The following PIEZO1 variants were observed in gnomAD, a reference collection of about 807,000 sequenced individuals.
PIEZO1 encodes the protein piezo type mechanosensitive ion channel component 1 (Er blood group), also known as piezo-type mechanosensitive ion channel component 1.
In PIEZO1, 296 loss-of-function variants were observed where a neutral mutation model predicts 297.2. That is an observed-to-expected ratio of 1.00 (90% CI 0.91 to 1.10). The LOEUF (loss-of-function observed/expected upper bound fraction) is 1.10, where lower values mean the gene tolerates loss of function less well. Ranked by LOEUF, PIEZO1 falls within the 50% of genes least tolerant of loss-of-function variation. PIEZO1 has a pLI of 0.00. For missense variants in PIEZO1, 5,018 were observed against 3,455.5 expected (o/e 1.45, Z -11.34); for synonymous variants, 2,427 against 1,507.5 (o/e 1.61, Z -14.13).
chr16:88,774,129 A>G (rs935811864), intron 1 of PIEZO1, among the ~76,000 whole-genome samples: 1 of 152,184 alleles, frequency 6.6e-6, no homozygotes, highest in African/African-American at 2.4e-5. Context: ...GCGTGGCCTG[A>G]GCTTCTAAGC....
At chr16:88,771,260 C>CTTAAGGACGAAGTGCTGGAGGCTCAG (rs1227757223) in intron 1 of PIEZO1, among the ~76,000 whole-genome samples, 61 of 152,354 alleles carry the variant, frequency 4.0e-4, no homozygotes, top group Non-Finnish European at 7.6e-4. Flanking sequence ...CAGTTCCACT[C>CTTAAGGACGAAGTGCTGGAGGCTCAG]TTAAGGACGA....
At chr16:88,717,418 G>C (rs1390681491) in intron 44 of PIEZO1, 7 of 646,692 alleles carry the variant, frequency 1.1e-5, no homozygotes, top group Non-Finnish European at 2.0e-5. Context: ...GTTGATCTTA[G>C]ACAAGGGAGC....
rs778026943 is a variant in PIEZO1, at chr16:88,723,886, T to A, written c.4320A>T (p.Ala1440=). The change falls in exon 31 of 51, where the codon GCA becomes GCT. Residue 1440 remains alanine, a synonymous_variant. Transcript: ENST00000301015. ...EAVPEDPRPS[A]QSAFQLAYQA... is the part of the protein sequence containing the mutation. ...CCCACCTCACCTGGAAGGCACTCTG[T>A]GCCGACGGCCTCGGGTCTTCAGGAA... 43 of 1,541,764 alleles carry A rather than the reference T, an allele frequency of 2.8e-5. No homozygotes were observed. Among genetic ancestry groups the A allele is most frequent in the Non-Finnish European group, 3.7e-5 (42 of 1,139,054 alleles).
Position 88,772,640 on chromosome 16 carries a change from G to A in PIEZO1, c.64+12261C>T, listed in dbSNP as rs1311888202. Among the ~76,000 whole-genome samples the A allele has an allele frequency of 1.1e-4, 16 of 152,258 alleles. No homozygotes were observed. In the South Asian group the frequency reaches 1.5e-3, roughly 14 times the overall value. ...CTAAAAATACAAAAATGAGCCGGGC[G>A]TGATGGTGGGTGCCTGTAATCTCAG... On this transcript the variant is annotated intron_variant, in intron 1 of 50. Coordinates refer to ENST00000301015, the MANE Select transcript of PIEZO1 (RefSeq NM_001142864.4).
At chr16:88,720,017 A>G (rs1249955223) in intron 42 of PIEZO1, 52 bp downstream of exon 42, 12 of 1,549,000 alleles carry the variant, frequency 7.7e-6, no homozygotes, top group Non-Finnish European at 1.0e-5. Flanking sequence ...CAGGGCCCCC[A>G]GCCTGCACTG....
chr16:88,733,550 C>T, intron 18 of PIEZO1, 38 bp downstream of exon 18: 1 of 1,528,184 alleles, frequency 6.5e-7, no homozygotes, highest in Non-Finnish European at 8.8e-7. Context: ...AGAGCGACCC[C>T]ACCCCAGATG....
In PIEZO1 at chr16:88,736,137, T is replaced by G. The variant is rs760255991; in HGVS notation, c.1557+11A>C. On this transcript the variant is annotated intron_variant, in intron 12 of 50. Coordinates refer to ENST00000301015, the MANE Select transcript of PIEZO1 (RefSeq NM_001142864.4). ...ACCCAGGCACCCCCGGATGTGGTGG[T>G]GCACACTCACCATGGCACCAAGGTC... 1.0e-5 allele frequency: 16 copies of G among 1,537,990 alleles called. No homozygotes were observed. The South Asian group carries it at 1.9e-4, about 18-fold the overall frequency.
In PIEZO1 at chr16:88,719,903, G is replaced by A. The variant is rs34388120; in HGVS notation, c.6222C>T (p.Phe2074=). The A allele has an allele frequency of 1.1e-3, 1,691 of 1,550,426 alleles. 18 individuals carry two copies. The African/African-American group carries it at 0.02, about 18-fold the overall frequency. Residue 2074 remains phenylalanine, a synonymous_variant, in exon 43 of 51, where the codon TTC becomes TTT. Transcript: ENST00000301015. ...AGCGGATCTGGTAGGCGGACAGGGC[G>A]AAGTAGATGCACTTCACGAAGTACC... ...QLWYFVKCIY[F]ALSAYQIRCG...
At chr16:88,745,998 T>G (rs1906032587) in intron 2 of PIEZO1, among the ~76,000 whole-genome samples, 1 of 152,272 alleles carries the variant, frequency 6.6e-6, no homozygotes, top group Admixed American at 6.5e-5. Flanking sequence ...GGGCTGGGCC[T>G]GATTGTTCTG....
rs1905342798 is a variant in PIEZO1 at position 88,737,816 on chromosome 16, T to C, written c.1021-2A>G. Reference sequence around the variant, plus strand: ...ATACCCCTTTGCCGCCTCCTTCCTCTGCAGAGACCAGCGTCTTGAGCCCAA... The same window carrying C: ...ATACCCCTTTGCCGCCTCCTTCCTCCGCAGAGACCAGCGTCTTGAGCCCAA... On this transcript the variant is annotated splice_acceptor_variant, in intron 8 of 50. Coordinates refer to ENST00000301015, the MANE Select transcript of PIEZO1 (RefSeq NM_001142864.4). LOFTEE classifies it high-confidence loss of function. The C allele has an allele frequency of 1.3e-6, 2 of 1,535,670 alleles. No individual in the cohort carries two copies. The highest frequency in any genetic ancestry group is 1.2e-5 in the South Asian group (1 of 84,068).
rs1440038073 is a variant in PIEZO1, at chr16:88,731,737, C to T, written c.3165G>A (p.Leu1055=). Residue 1055 remains leucine (L), a synonymous_variant, in exon 22 of 51, where the codon CTG becomes CTA. Coordinates refer to ENST00000301015, the MANE Select transcript of PIEZO1 (RefSeq NM_001142864.4). The part of the protein sequence containing the change: ...LALFLLYQYL[L]CLGMPPALCI... The stretch of plus-strand genomic sequence containing the variant: ...ACAGGGCCGGGGGCATCCCCAGGCA[C>T]AGCAGGTACTGGTACAGCAGGAACA... 1.9e-6 allele frequency: 3 copies of T among 1,549,682 alleles called. No individual in the cohort carries two copies. The highest frequency in any genetic ancestry group is 2.6e-6 in the Non-Finnish European group (3 of 1,146,810).
rs530382240 is a variant in PIEZO1 at position 88,736,902 on chromosome 16, G to A, written c.1196-163C>T. ...GGGCTCCGGCAATTGGGCTGACACC[G>A]TCCCTGAGCGTCAGGGATGGCCCTG... is the stretch of plus-strand genomic sequence containing the variant. On this transcript the variant is annotated intron_variant, in intron 10 of 50. Coordinates refer to ENST00000301015, the MANE Select transcript of PIEZO1 (RefSeq NM_001142864.4). 34 of 513,272 alleles carry A rather than the reference G, an allele frequency of 6.6e-5. No individual in the cohort carries two copies. In the Middle Eastern group the frequency reaches 1.9e-3, roughly 28 times the overall value. 31.8% of individuals were successfully genotyped at this position (513,272 alleles called of 1,614,324 possible).
intron 22 of PIEZO1, chr16:88,731,449 G>C: frequency 1.9e-6 from 1 of 517,666 alleles, no homozygotes; most frequent in East Asian, 3.2e-5. Context: ...TTTCCTGAAG[G>C]TTTGAAATAT....
chr16:88,721,839 C>A lies in PIEZO1; in HGVS notation c.5183G>T (p.Arg1728Leu). ...AMLSIPRPSK[R>L]FWMTAIVFTE... ...GAAGACGATGGCCGTCATCCAGAAG[C>A]GCTTGCTGGGCCTCGGGATCGACAG... Residue 1728 changes from arginine (R) to leucine (L), a missense_variant, in exon 37 of 51, where the codon CGC (arginine) becomes CTC (leucine). Coordinates refer to ENST00000301015, the MANE Select transcript of PIEZO1 (RefSeq NM_001142864.4). The A allele has an allele frequency of 1.3e-6, 2 of 1,548,728 alleles. No individual in the cohort carries two copies. Among genetic ancestry groups the A allele is most frequent in the South Asian group, 2.4e-5 (2 of 84,048 alleles).
At position 88,723,283 on chromosome 16, in the gene PIEZO1, G is replaced by A. The variant is rs756761414; in HGVS notation, c.4381C>T (p.Arg1461Trp). ...WVTNAQAVLR[R>W]RQQEQEQARQ... ...GCCTGCTCCTGCTCCTGCTGCCGCC[G>A]CCTCAGCACCGCCTGGGCGTTGGTC... The change falls in exon 32 of 51, where the codon CGG (arginine) becomes TGG (tryptophan). Residue 1461 changes from arginine (R) to tryptophan (W), a missense_variant. Physicochemically the swap from Arg to Trp is moderately radical, Grantham distance 101. Transcript: ENST00000301015. The A allele has an allele frequency of 1.8e-5, 28 of 1,541,456 alleles. No homozygotes were observed. The highest frequency in any genetic ancestry group is 3.6e-5 in the South Asian group (3 of 84,058).
intron 1 of PIEZO1, among the ~76,000 whole-genome samples, chr16:88,758,079 A>G (rs2142879849): frequency 6.6e-6 from 1 of 152,190 alleles, no homozygotes; most frequent in East Asian, 1.9e-4. Flanking sequence ...GAGCAGCTGA[A>G]TCCTGGGAGG....
At chr16:88,741,906 G>A in intron 4 of PIEZO1, 147 bp downstream of exon 4, 1 of 703,524 alleles carries the variant, frequency 1.4e-6, no homozygotes, top group Admixed American at 2.6e-5. Context: ...CCAGGTGTGG[G>A]TGGGAGCGTG....
chr16:88,773,941 G>A (rs937243416), intron 1 of PIEZO1, among the ~76,000 whole-genome samples: 5 of 152,120 alleles, frequency 3.3e-5, no homozygotes, highest in African/African-American at 1.2e-4. Flanking sequence ...ACACCTCCCT[G>A]CAGGTCCCCC....
intron 1 of PIEZO1, among the ~76,000 whole-genome samples, chr16:88,778,273 AG>A (rs1907762457): frequency 6.6e-6 from 1 of 151,918 alleles, no homozygotes. Context: ...GGCCCATTTT[AG>A]CCGCCCATCC....
Sources: gnomAD v4.1 joint callset for allele counts (sites outside exome capture counted in the v4.1 genomes callset) on GRCh38, gnomAD v4.1.1 for gene constraint, MANE v1.5 for transcripts, NCBI Gene and HGNC (gene_info 2026-07-23, HGNC 2026-07-21) for gene names.